DMD: variants seen among roughly 807,000 people sequenced by gnomAD.
DMD encodes the protein mutant dystrophin.
DMD carries 63 observed loss-of-function variants against 330.1 expected under a neutral mutation model. The observed-to-expected ratio is 0.19, with a 90% CI of 0.16 to 0.24. DMD has a LOEUF of 0.24. Ranked by LOEUF, DMD falls within the 10% of genes least tolerant of loss-of-function variation. DMD has a pLI of 1.00. For synonymous variants in DMD, 1,223 were observed against 959.8 expected (o/e 1.27, Z -5.07); for missense variants, 3,344 against 2,684.1 (o/e 1.25, Z -5.43).
chrX:31,506,998 G>C (rs1351046633), intron 56 of DMD, among the ~76,000 whole-genome samples: 1 of 111,622 alleles, frequency 9.0e-6, no homozygotes, highest in Non-Finnish European at 1.9e-5. Flanking sequence ...AGAAATTTAT[G>C]AAACTAGAAT....
intron 30 of DMD, among the ~76,000 whole-genome samples, 159 bp from the exon 31 acceptor site, chrX:32,390,340 C>T (rs1248298804): frequency 9.0e-6 from 1 of 111,591 alleles, no homozygotes; most frequent in East Asian, 2.8e-4. Flanking sequence ...ACCTGTAATC[C>T]TAGCACTTTG....
intron 71 of DMD, 60 bp from the exon 72 acceptor site, chrX:31,173,664 C>A: frequency 9.6e-7 from 1 of 1,042,556 alleles, no homozygotes; most frequent in South Asian, 1.9e-5. Context: ...AAAAAACCCA[C>A]CACACAGTTA....
chrX:31,200,909 A>AT (rs961800000), intron 67 of DMD, among the ~76,000 whole-genome samples: 3 of 111,545 alleles, frequency 2.7e-5, no homozygotes, highest in Middle Eastern at 4.6e-3. Context: ...CACTTTACTA[A>AT]TTTTTTTTCT....
chrX:32,174,213 C>T (rs1287621602), intron 44 of DMD, among the ~76,000 whole-genome samples: 1 of 112,301 alleles, frequency 8.9e-6, no homozygotes, highest in South Asian at 3.7e-4. Flanking sequence ...AGAAATAAGA[C>T]TGGACAACAG....
chrX:31,137,552 T>C (rs1715058340), intron 76 of DMD, among the ~76,000 whole-genome samples: 1 of 110,903 alleles, frequency 9.0e-6, no homozygotes, highest in African/African-American at 3.3e-5. Flanking sequence ...GTAAGATTCA[T>C]TTATTTATTC....
chrX:33,121,065 TAA>T (rs1248494282), intron 1 of DMD, among the ~76,000 whole-genome samples: 1 of 110,038 alleles, frequency 9.1e-6, no homozygotes, highest in East Asian at 2.8e-4. Flanking sequence ...CTTAAATGTA[TAA>T]GTTTTCCATA....
At chrX:32,472,546 GTTCAA>G (rs1457070733) in intron 21 of DMD, among the ~76,000 whole-genome samples, 2 of 110,965 alleles carry the variant, frequency 1.8e-5, no homozygotes, top group African/African-American at 6.6e-5. Context: ...AATCTATATT[GTTCAA>G]TTCGTTTTAT....
intron 1 of DMD, among the ~76,000 whole-genome samples, chrX:33,330,472 T>A (rs527282814): frequency 1.8e-5 from 2 of 111,739 alleles, no homozygotes; most frequent in South Asian, 7.5e-4. Context: ...CATTTTCAGG[T>A]AGCTTCTAAT....
At chrX:32,822,486 A>G (rs2078346320) in intron 5 of DMD, among the ~76,000 whole-genome samples, 2 of 110,548 alleles carry the variant, frequency 1.8e-5, no homozygotes. Flanking sequence ...TTATGTATAC[A>G]TATTATGATT....
At chrX:31,715,986 C>T (rs1419834293) in intron 52 of DMD, among the ~76,000 whole-genome samples, 2 of 111,742 alleles carry the variant, frequency 1.8e-5, no homozygotes, top group Non-Finnish European at 3.8e-5. Context: ...TATGGCATTC[C>T]CGTTATTTTC....
At chrX:31,170,030 A>G (rs1245373724) in intron 73 of DMD, among the ~76,000 whole-genome samples, 1 of 112,175 alleles carries the variant, frequency 8.9e-6, no homozygotes, top group Admixed American at 9.5e-5. Flanking sequence ...GCAGCTCTAA[A>G]AGTAACAGAG....
chrX:31,970,984 G>T (rs1226902712), intron 44 of DMD, among the ~76,000 whole-genome samples: 2 of 111,433 alleles, frequency 1.8e-5, no homozygotes, highest in Non-Finnish European at 1.9e-5. Context: ...TTTAAAAAAT[G>T]CATGGGCACA....
chrX:31,924,074 C>A (rs1447427010), intron 47 of DMD, among the ~76,000 whole-genome samples: 2 of 111,967 alleles, frequency 1.8e-5, no homozygotes, highest in Non-Finnish European at 3.8e-5. Context: ...GATTATTATA[C>A]TTCCTACTAT....
At chrX:32,262,227 T>C (rs778360892) in intron 43 of DMD, among the ~76,000 whole-genome samples, 5 of 111,865 alleles carry the variant, frequency 4.5e-5, no homozygotes, top group Non-Finnish European at 9.4e-5. Flanking sequence ...AGTTAGTAGT[T>C]TGTGAGTGAA....
intron 1 of DMD, among the ~76,000 whole-genome samples, chrX:33,085,309 G>T (rs1047912906): frequency 2.2e-4 from 24 of 110,588 alleles, no homozygotes; most frequent in African/African-American, 8.0e-4. Flanking sequence ...GCCTTACAAA[G>T]ATATAATTCA....
At chrX:32,474,208 TACACACAC>T (rs3045001) in intron 21 of DMD, among the ~76,000 whole-genome samples, 1 of 41,285 alleles carries the variant, frequency 2.4e-5, no homozygotes, top group Non-Finnish European at 8.6e-5. Context: ...CATACATACA[TACACACAC>T]ACACACACAC....
chrX:32,499,646 A>G (rs2043844728), intron 19 of DMD, among the ~76,000 whole-genome samples: 1 of 111,451 alleles, frequency 9.0e-6, no homozygotes, highest in Non-Finnish European at 1.9e-5. Context: ...CTGGACTTAT[A>G]AATTTAAGAG....
At chrX:32,044,289 C>G (rs1395168624) in intron 44 of DMD, among the ~76,000 whole-genome samples, 2 of 110,711 alleles carry the variant, frequency 1.8e-5, no homozygotes, top group South Asian at 3.8e-4. Context: ...TAAGCCCTTC[C>G]TATTCAATAG....
intron 15 of DMD, among the ~76,000 whole-genome samples, chrX:32,572,579 A>C (rs2149131358): frequency 9.2e-6 from 1 of 108,206 alleles, no homozygotes; most frequent in East Asian, 2.9e-4. Flanking sequence ...AATCTTGGAA[A>C]TTCCTGCTGA....
Sources: gnomAD v4.1 joint callset for allele counts (sites outside exome capture counted in the v4.1 genomes callset) on GRCh38, gnomAD v4.1.1 for gene constraint, MANE v1.5 for transcripts, NCBI Gene and HGNC (gene_info 2026-07-23, HGNC 2026-07-21) for gene names.